CBLN2: variants seen among roughly 807,000 people sequenced by gnomAD.
CBLN2 encodes cerebellin-2.
In CBLN2, 7 loss-of-function variants were observed where a neutral mutation model predicts 15.0. The observed-to-expected ratio is 0.47, with a 90% CI of 0.27 to 0.88. The LOEUF is 0.88. Among genes scored for constraint, CBLN2 ranks in the 40% least tolerant of loss-of-function variants. CBLN2 has a pLI of 0.14. For synonymous variants in CBLN2, 149 were observed against 135.2 expected (o/e 1.10, Z -0.71); for missense variants, 242 against 304.5 (o/e 0.79, Z 1.53).
At chr18:72,569,719 C>T (rs894446521) in intron 1 of CBLN2, among the ~76,000 whole-genome samples, 4 of 151,974 alleles carry the variant, frequency 2.6e-5, no homozygotes, top group African/African-American at 4.8e-5. Context: ...GGCCAGATCT[C>T]GTGTGAACTA....
rs567038889 is a variant in CBLN2 at position 72,631,056 on chromosome 18, G to A, written c.15+7269C>T. 9 of 152,232 alleles carry A rather than the reference G, an allele frequency of 5.9e-5. No homozygotes were observed. The South Asian group carries it at 1.0e-3, about 18-fold the overall frequency. The allele number at this position is 152,232 out of a possible 1,614,324, so 9.4% of individuals were successfully genotyped here. ...TGCCTCTCTCTCTCTAAGAAAATGG[G>A]TGGAATACACTTTGCTGTGGAGGAC... On this transcript the variant is annotated intron_variant, in intron 1 of 2. Coordinates refer to the CBLN2 transcript ENST00000581073.
intron 1 of CBLN2, among the ~76,000 whole-genome samples, chr18:72,604,591 C>T (rs2069571220): frequency 6.6e-6 from 1 of 152,108 alleles, no homozygotes; most frequent in Admixed American, 6.5e-5. Context: ...AGAGGGGGGC[C>T]TTTTAGAGAT....
intron 1 of CBLN2, among the ~76,000 whole-genome samples, chr18:72,578,365 C>A (rs909848165): frequency 1.3e-5 from 2 of 152,090 alleles, no homozygotes; most frequent in Non-Finnish European, 2.9e-5. Flanking sequence ...TGTATACATA[C>A]AAAATACATC....
intron 1 of CBLN2, among the ~76,000 whole-genome samples, chr18:72,604,442 G>C (rs528606130): frequency 1.3e-5 from 2 of 151,990 alleles, no homozygotes; most frequent in East Asian, 3.9e-4. Flanking sequence ...TTACCTGACC[G>C]GCTAGCTTTT....
chr18:72,618,388 C>T (rs2069677206), intron 1 of CBLN2: 1 of 547,336 alleles, frequency 1.8e-6, no homozygotes, highest in Non-Finnish European at 3.4e-6. Flanking sequence ...GGAATACTCA[C>T]AGACTAGGCG....
intron 1 of CBLN2, among the ~76,000 whole-genome samples, chr18:72,598,848 T>G (rs1478925874): frequency 6.6e-6 from 1 of 152,192 alleles, no homozygotes; most frequent in Non-Finnish European, 1.5e-5. Flanking sequence ...TGAGTTCCAG[T>G]GCAAAGTCCC....
In CBLN2 at chr18:72,618,701, G is replaced by T. The variant is rs915771148; in HGVS notation, c.15+19624C>A. The T allele has an allele frequency of 9.6e-6, 7 of 728,666 alleles. No individual in the cohort carries two copies. In the African/African-American group the frequency reaches 1.2e-4, roughly 13 times the overall value. The allele number at this position is 728,666 out of a possible 1,614,324, so 45.1% of individuals were successfully genotyped here. A position where few individuals can be genotyped will look rare whatever the true frequency, so the allele number is the denominator to read the frequency against. On this transcript the variant is annotated intron_variant, in intron 1 of 2. Coordinates refer to the CBLN2 transcript ENST00000581073. Reference sequence around the variant, plus strand: ...ACCGACTGAGGCAGTGGCAAGAAAAGGCGCTTTGCCTTCATAATCTTTGAT... The same window carrying T: ...ACCGACTGAGGCAGTGGCAAGAAAATGCGCTTTGCCTTCATAATCTTTGAT...
intron 1 of CBLN2, among the ~76,000 whole-genome samples, chr18:72,580,494 T>C (rs1568122999): frequency 6.6e-6 from 1 of 152,152 alleles, no homozygotes; most frequent in Non-Finnish European, 1.5e-5. Context: ...TATTATGGCA[T>C]CAATTCATTG....
intron 1 of CBLN2, among the ~76,000 whole-genome samples, chr18:72,555,003 C>T (rs1165862767): frequency 5.3e-5 from 8 of 152,006 alleles, no homozygotes; most frequent in South Asian, 2.1e-4. Context: ...AGCATGGTGG[C>T]ACGTGCCTGT....
intron 1 of CBLN2, among the ~76,000 whole-genome samples, chr18:72,601,427 A>G (rs1431534935): frequency 7.6e-6 from 1 of 132,328 alleles, no homozygotes; most frequent in East Asian, 2.5e-4. Flanking sequence ...ATGTGCCACA[A>G]TTCCATAAAT....
chr18:72,538,470 T>G (rs2069084728), intron 4 of CBLN2, 97 bp from the exon 5 acceptor site: 10 of 1,469,516 alleles, frequency 6.8e-6, no homozygotes, highest in Admixed American at 1.7e-5. Context: ...ACCCCCATCC[T>G]TCCCTTAGAG....
intron 1 of CBLN2, among the ~76,000 whole-genome samples, chr18:72,590,003 C>T (rs1394240383): frequency 2.0e-5 from 3 of 152,102 alleles, no homozygotes; most frequent in East Asian, 1.9e-4. Flanking sequence ...CACGGTGGCT[C>T]TCGCCTGTAA....
intron 1 of CBLN2, among the ~76,000 whole-genome samples, chr18:72,578,638 G>A (rs982958179): frequency 6.6e-6 from 1 of 151,830 alleles, no homozygotes; most frequent in Non-Finnish European, 1.5e-5. Flanking sequence ...TTTTTTATTT[G>A]TGTAAATCCT....
At chr18:72,579,699 T>C (rs1243012433) in intron 1 of CBLN2, among the ~76,000 whole-genome samples, 1 of 151,910 alleles carries the variant, frequency 6.6e-6, no homozygotes, top group Non-Finnish European at 1.5e-5. Context: ...GCCACTACAC[T>C]CCAGCCTGGG....
Position 72,543,838 on chromosome 18 carries a change from G to T in CBLN2, c.-212+139C>A, listed in dbSNP as rs536596419. The T allele has an allele frequency of 1.3e-5, 2 of 159,840 alleles. No homozygotes were observed. Among genetic ancestry groups the T allele is most frequent in the African/African-American group, 2.4e-5 (1 of 41,830 alleles). The allele number at this position is 159,840 out of a possible 1,614,324, so 9.9% of individuals were successfully genotyped here. A position where few individuals can be genotyped will look rare whatever the true frequency, so the allele number is the denominator to read the frequency against. ...CCCGCGCTCAGCGCGTCCGCAGCGC[G>T]GCTCCCTCGCGGGTCCCCTCGGCCC... On this transcript the variant is annotated intron_variant, in intron 1 of 4. Transcript: ENST00000269503. This position sits in a 1 kb window ranked among gnomAD's most constrained non-coding sequence, Gnocchi z 6.8.
intron 1 of CBLN2, among the ~76,000 whole-genome samples, chr18:72,593,531 G>A (rs537165881): frequency 2.8e-4 from 43 of 152,110 alleles, no homozygotes; most frequent in Non-Finnish European, 5.4e-4. Flanking sequence ...CTGTAGGTGG[G>A]ACTACCAGTC....
intron 1 of CBLN2, among the ~76,000 whole-genome samples, chr18:72,558,928 A>G (rs1384890802): frequency 6.6e-6 from 1 of 152,078 alleles, no homozygotes; most frequent in Non-Finnish European, 1.5e-5. Context: ...GGTGGCACAC[A>G]TCTCCAATCC....
At chr18:72,570,610 A>G (rs1444670066) in intron 1 of CBLN2, among the ~76,000 whole-genome samples, 1 of 151,636 alleles carries the variant, frequency 6.6e-6, no homozygotes, top group Non-Finnish European at 1.5e-5. Flanking sequence ...TTTTTTTTCC[A>G]TAAAGCACCT....
At chr18:72,615,567 G>A (rs1010620874) in intron 1 of CBLN2, among the ~76,000 whole-genome samples, 6 of 151,960 alleles carry the variant, frequency 3.9e-5, no homozygotes, top group Admixed American at 2.6e-4. Context: ...GTGAGCCACC[G>A]TGCCTGGCCC....
Sources: gnomAD v4.1 joint callset for allele counts (sites outside exome capture counted in the v4.1 genomes callset) on GRCh38, gnomAD v4.1.1 for gene constraint, Gnocchi (gnomAD v3.1) non-coding constraint, MANE v1.5 for transcripts, NCBI Gene and HGNC (gene_info 2026-07-23, HGNC 2026-07-21) for gene names.